Variants in LAMA3 observed in about 807,000 individuals in gnomAD.
LAMA3 encodes the protein laminin subunit alpha 3, also known as laminin subunit alpha-3.
In LAMA3, 281 loss-of-function variants were observed where a neutral mutation model predicts 402.0. That is an observed-to-expected ratio of 0.70 (90% confidence interval 0.63 to 0.77). The LOEUF (loss-of-function observed/expected upper bound fraction) is 0.77. LAMA3 is among the 30% of genes least tolerant of loss of function. The probability of loss-of-function intolerance (pLI) is 0.00; values close to 1 mark genes in which losing one functional copy is unlikely to be tolerated. For missense variants in LAMA3, 3,840 were observed against 4,215.5 expected (o/e 0.91, Z 2.47); for synonymous variants, 1,431 against 1,558.4 (o/e 0.92, Z 1.93).
At chr18:23,861,280 A>G (rs962302200) in intron 34 of LAMA3, among the ~76,000 whole-genome samples, 3 of 152,138 alleles carry the variant, frequency 2.0e-5, no homozygotes, top group Admixed American at 1.3e-4. Flanking sequence ...TGAATTCCAC[A>G]TCACATTTTT....
chr18:23,776,801 T>TTG (rs2062330094), intron 10 of LAMA3, among the ~76,000 whole-genome samples: 1 of 151,882 alleles, frequency 6.6e-6, no homozygotes, highest in African/African-American at 2.4e-5. Context: ...ATTTTATATC[T>TTG]GTGAGTCTTG....
intron 29 of LAMA3, among the ~76,000 whole-genome samples, chr18:23,843,266 A>G (rs796619590): frequency 2.4e-4 from 36 of 151,670 alleles, no homozygotes; most frequent in African/African-American, 8.7e-4. Context: ...TCTTTCCTGA[A>G]CTCCAGTATG....
intron 24 of LAMA3, among the ~76,000 whole-genome samples, chr18:23,836,398 G>T (rs145170262): frequency 1.3e-5 from 2 of 152,276 alleles, no homozygotes; most frequent in African/African-American, 4.8e-5. Context: ...TCCTCTAAGG[G>T]TTTTAACGTT....
At chr18:23,783,234 T>C (rs1442760095) in intron 11 of LAMA3, among the ~76,000 whole-genome samples, 4 of 152,090 alleles carry the variant, frequency 2.6e-5, no homozygotes, top group African/African-American at 9.7e-5. Flanking sequence ...GACTCAGAAG[T>C]TGCATGACAA....
At chr18:23,909,937 C>T (rs1358152166) in intron 55 of LAMA3, among the ~76,000 whole-genome samples, 8 of 152,176 alleles carry the variant, frequency 5.3e-5, no homozygotes, top group Admixed American at 5.2e-4. Flanking sequence ...CTGGAGGCAT[C>T]GTGCCCAATA....
At chr18:23,840,377 CTTTCTTTTTTTTTT>C (rs2063672730) in intron 27 of LAMA3, among the ~76,000 whole-genome samples, 1 of 79,514 alleles carries the variant, frequency 1.3e-5, no homozygotes, top group Non-Finnish European at 2.3e-5. Flanking sequence ...AAGAACCTTT[CTTTCTTTTTTTTTT>C]TTTTTTTTTG....
chr18:23,948,750 A>G (rs1009454224), intron 70 of LAMA3, among the ~76,000 whole-genome samples: 2 of 151,906 alleles, frequency 1.3e-5, no homozygotes, highest in South Asian at 2.1e-4. Context: ...TTGTATTTTT[A>G]GTAGAGACGG....
At chr18:23,893,671 A>G (rs1038093446) in intron 42 of LAMA3, among the ~76,000 whole-genome samples, 3 of 152,158 alleles carry the variant, frequency 2.0e-5, no homozygotes, top group African/African-American at 7.2e-5. Flanking sequence ...TATGCCCATC[A>G]CTATCACCAC....
intron 18 of LAMA3, among the ~76,000 whole-genome samples, chr18:23,817,193 G>A (rs769293715): frequency 1.2e-4 from 19 of 152,094 alleles, no homozygotes; most frequent in Non-Finnish European, 1.9e-4. Flanking sequence ...TTGAGACTGG[G>A]GAACTATAGG....
chr18:23,833,598 T>A (rs189565530), intron 23 of LAMA3, among the ~76,000 whole-genome samples: 27 of 152,356 alleles, frequency 1.8e-4, no homozygotes, highest in Non-Finnish European at 1.5e-5. Context: ...CATTAAATTG[T>A]CCAAATAAAC....
chr18:23,735,329 C>A (rs139751863), intron 2 of LAMA3, among the ~76,000 whole-genome samples: 172 of 152,324 alleles, frequency 1.1e-3, no homozygotes, highest in African/African-American at 4.0e-3. Flanking sequence ...TTTGTGATTA[C>A]TAGAGACTGC....
chr18:23,950,149 AG>A lies in LAMA3; in HGVS notation c.9634del (p.Ala3212GlnfsTer37), dbSNP rs2145562368. 6.2e-7 allele frequency: 1 copy of A among 1,614,098 alleles called. No individual in the cohort carries two copies. Among genetic ancestry groups the A allele is most frequent in the Non-Finnish European group, 8.5e-7 (1 of 1,180,008 alleles). On this transcript the variant is annotated frameshift_variant, in exon 72 of 75. Coordinates refer to ENST00000313654, the MANE Select transcript of LAMA3 (RefSeq NM_198129.4). LOFTEE classifies it high-confidence loss of function. ...QPGKHLCVYL[E>X]AGKVTASMDS... ...GGGAAGCACTTATGTGTTTACCTGGAGGCAGGAAAGGTGTGTAGCAGTCTGA... is the reference window on the plus strand; with the variant it reads ...GGGAAGCACTTATGTGTTTACCTGGAGCAGGAAAGGTGTGTAGCAGTCTGA...
chr18:23,887,620 A>G (rs2080481824), intron 41 of LAMA3, among the ~76,000 whole-genome samples: 1 of 152,254 alleles, frequency 6.6e-6, no homozygotes, highest in African/African-American at 2.4e-5. Flanking sequence ...CAGCACCCAG[A>G]CATCATTCCT....
intron 31 of LAMA3, among the ~76,000 whole-genome samples, chr18:23,846,985 G>A (rs2063830406): frequency 6.6e-6 from 1 of 152,200 alleles, no homozygotes; most frequent in Admixed American, 6.5e-5. Flanking sequence ...TGGTCCGAGG[G>A]GTAGGGTAAG....
At position 23,912,716 on chromosome 18, in the gene LAMA3, TG is replaced by T. The variant is rs1555736532; in HGVS notation, c.7165del (p.Val2389SerfsTer3). 6.2e-7 allele frequency: 1 copy of T among 1,613,788 alleles called. No individual in the cohort carries two copies. The highest frequency in any genetic ancestry group is 8.5e-7 in the Non-Finnish European group (1 of 1,179,604). On this transcript the variant is annotated frameshift_variant, in exon 56 of 75. Coordinates refer to ENST00000313654, the MANE Select transcript of LAMA3 (RefSeq NM_198129.4). LOFTEE classifies it high-confidence loss of function. ...QARDAASKVA[V>X]PMRFNGKSGV... ...ATGTAACTTACTCCTCACAGGTTGC[TG>T]TCCCCATGAGGTTCAATGGTAAATC...
At chr18:23,752,266 G>C (rs2061765393) in intron 5 of LAMA3, among the ~76,000 whole-genome samples, 1 of 152,008 alleles carries the variant, frequency 6.6e-6, no homozygotes, top group African/African-American at 2.4e-5. Context: ...CTGTGTTTCT[G>C]TTCCTCCATG....
At chr18:23,798,384 T>G (rs1012136422) in intron 12 of LAMA3, among the ~76,000 whole-genome samples, 1 of 152,218 alleles carries the variant, frequency 6.6e-6, no homozygotes, top group Non-Finnish European at 1.5e-5. Flanking sequence ...GTATCCGGTC[T>G]TTCTTTAGAA....
At chr18:23,817,060 G>C (rs1472255695) in intron 18 of LAMA3, among the ~76,000 whole-genome samples, 1 of 152,180 alleles carries the variant, frequency 6.6e-6, no homozygotes, top group Non-Finnish European at 1.5e-5. Flanking sequence ...AGAGGCCAAA[G>C]TTGTTCCCCA....
At chr18:23,822,808 A>G (rs987215232) in intron 20 of LAMA3, among the ~76,000 whole-genome samples, 1 of 152,212 alleles carries the variant, frequency 6.6e-6, no homozygotes, top group Non-Finnish European at 1.5e-5. Context: ...AATTTTTCCT[A>G]TGAATGCTGT....
Sources: allele counts gnomAD v4.1 joint callset (sites outside exome capture counted in the v4.1 genomes callset), GRCh38; gene constraint gnomAD v4.1.1; transcripts MANE v1.5; gene names NCBI Gene and HGNC (gene_info 2026-07-23, HGNC 2026-07-21).